DCLK1: variants seen among roughly 807,000 people sequenced by gnomAD.
DCLK1 encodes serine/threonine-protein kinase DCLK1.
A neutral mutation model predicts 86.2 loss-of-function variants in DCLK1; 16 were observed. That is an observed-to-expected ratio of 0.19 (90% CI 0.13 to 0.28). The LOEUF (loss-of-function observed/expected upper bound fraction) is 0.28, where lower values mean the gene tolerates loss of function less well. Among genes scored for constraint, DCLK1 ranks in the 10% least tolerant of loss-of-function variants. The pLI is 1.00. For synonymous variants in DCLK1, 369 were observed against 370.5 expected (o/e 1.00, Z 0.05); for missense variants, 590 against 940.2 (o/e 0.63, Z 4.87).
chr13:36,051,618 T>A (rs1883127042), intron 3 of DCLK1, among the ~76,000 whole-genome samples: 1 of 152,178 alleles, frequency 6.6e-6, no homozygotes, highest in African/African-American at 2.4e-5. Flanking sequence ...CGTCTTTTCA[T>A]TCTGTTCATT....
Position 35,918,892 on chromosome 13 carries a change from G to GTTTTTTTTTTTTTTTCTT in DCLK1, c.823+28465_823+28466insAAGAAAAAAAAAAAAAAA, listed in dbSNP as rs1875604770. 2.6e-5 allele frequency among the ~76,000 whole-genome samples: 2 copies of GTTTTTTTTTTTTTTTCTT among 76,310 alleles called. 1 individual carries two copies. Among genetic ancestry groups the GTTTTTTTTTTTTTTTCTT allele is most frequent in the Non-Finnish European group, 4.9e-5 (2 of 40,718 alleles). 50.1% of individuals were successfully genotyped at this position (76,310 alleles called of 152,430 possible). A position where few individuals can be genotyped will look rare whatever the true frequency, so the allele number is the denominator to read the frequency against. ...AAAAAGAAATCTTCCTTCTGAGTGT[G>GTTTTTTTTTTTTTTTCTT]TTTTTTTTTTTTTTTTTGGAAACGG... On this transcript the variant is annotated intron_variant, in intron 4 of 16. Transcript: ENST00000360631.
At chr13:35,795,989 C>T (rs1384659873) in intron 15 of DCLK1, among the ~76,000 whole-genome samples, 1 of 150,426 alleles carries the variant, frequency 6.6e-6, no homozygotes, top group Non-Finnish European at 1.5e-5. Flanking sequence ...AAACAAAAGG[C>T]CCCTGGAATT....
chr13:35,807,747 T>A (rs1286851358), intron 14 of DCLK1, among the ~76,000 whole-genome samples: 1 of 152,182 alleles, frequency 6.6e-6, no homozygotes, highest in Non-Finnish European at 1.5e-5. Context: ...GCACACCAGA[T>A]GGACACACAG....
intron 4 of DCLK1, among the ~76,000 whole-genome samples, chr13:35,940,554 A>T (rs1318215078): frequency 6.6e-6 from 1 of 152,180 alleles, no homozygotes; most frequent in Admixed American, 6.5e-5. Context: ...CAGCCTCAGG[A>T]CAAAGCAGCA....
At chr13:36,082,424 G>C (rs115519037) in intron 3 of DCLK1, among the ~76,000 whole-genome samples, 1 of 152,158 alleles carries the variant, frequency 6.6e-6, no homozygotes, top group East Asian at 1.9e-4. Flanking sequence ...GTCAACAGTA[G>C]GCTATTAGTA....
intron 4 of DCLK1, among the ~76,000 whole-genome samples, chr13:35,877,900 A>G (rs982495566): frequency 6.6e-6 from 1 of 152,240 alleles, no homozygotes; most frequent in African/African-American, 2.4e-5. Flanking sequence ...AATGACAAAA[A>G]GAACTTGCAA....
intron 5 of DCLK1, 73 bp downstream of exon 5, chr13:35,871,151 G>T: frequency 8.0e-7 from 1 of 1,255,516 alleles, no homozygotes; most frequent in African/African-American, 1.5e-5. Context: ...TCACACTCTA[G>T]GCTTCACACA....
At chr13:36,056,904 A>T (rs3925447) in intron 3 of DCLK1, among the ~76,000 whole-genome samples, 16 of 127,428 alleles carry the variant, frequency 1.3e-4, no homozygotes, top group Admixed American at 2.5e-4. Context: ...AAAAAAAAAA[A>T]AAATATATAT....
chr13:36,012,363 T>G (rs1489047883), intron 3 of DCLK1, among the ~76,000 whole-genome samples: 1 of 152,146 alleles, frequency 6.6e-6, no homozygotes. Context: ...CCACGGCTGT[T>G]ACCGGTTGTT....
intron 3 of DCLK1, among the ~76,000 whole-genome samples, chr13:35,968,330 T>C (rs999944144): frequency 3.3e-5 from 5 of 152,158 alleles, no homozygotes; most frequent in African/African-American, 9.7e-5. Flanking sequence ...TTGCACAACA[T>C]TGTGGACATA....
At chr13:35,823,730 C>T (rs994441947) in intron 10 of DCLK1, among the ~76,000 whole-genome samples, 14 of 152,142 alleles carry the variant, frequency 9.2e-5, no homozygotes, top group Non-Finnish European at 1.8e-4. Context: ...TGTACCAAAC[C>T]GCTATGCACA....
chr13:35,887,203 G>A lies in DCLK1; in HGVS notation c.824-15863C>T, dbSNP rs150620646. Among the ~76,000 whole-genome samples, 17 of 152,344 alleles carry A rather than the reference G, an allele frequency of 1.1e-4. No individual in the cohort carries two copies. The East Asian group carries it at 3.3e-3, about 29-fold the overall frequency. On this transcript the variant is annotated intron_variant, in intron 4 of 16. Coordinates refer to ENST00000360631, the MANE Select transcript of DCLK1 (RefSeq NM_001330071.2). ...AGTAAATTGCTTGGGGAAATTACAGGTGATCTAAGTGCCACAGGTGACCTG... is the reference window on the plus strand; with the variant it reads ...AGTAAATTGCTTGGGGAAATTACAGATGATCTAAGTGCCACAGGTGACCTG...
intron 4 of DCLK1, among the ~76,000 whole-genome samples, chr13:35,912,021 TCCTTCGGGGTG>T (rs1194289429): frequency 1.3e-5 from 2 of 152,106 alleles, no homozygotes; most frequent in African/African-American, 4.8e-5. Context: ...CACTGTACCT[TCCTTCGGGGTG>T]GCTGTGAGAA....
chr13:35,846,218 T>C lies in DCLK1; in HGVS notation c.1036-7042A>G, dbSNP rs1017565395. 6 of 985,160 alleles carry C rather than the reference T, an allele frequency of 6.1e-6. No homozygotes were observed. The African/African-American group carries it at 1.0e-4, about 17-fold the overall frequency. The allele number at this position is 985,160 out of a possible 1,614,324, so 61.0% of individuals were successfully genotyped here. On this transcript the variant is annotated intron_variant, in intron 6 of 16. Transcript: ENST00000360631. Reference sequence around the variant, plus strand: ...ACTGAAACTGTGAGCAGAAAGTATGTAACCTCTTTATAAAAACGTTATCCA... The same window carrying C: ...ACTGAAACTGTGAGCAGAAAGTATGCAACCTCTTTATAAAAACGTTATCCA...
At chr13:35,994,689 G>T (rs1257614269) in intron 3 of DCLK1, among the ~76,000 whole-genome samples, 2 of 152,164 alleles carry the variant, frequency 1.3e-5, no homozygotes, top group Non-Finnish European at 2.9e-5. Context: ...CCAAGGCCAG[G>T]CTTGACAAAT....
intron 4 of DCLK1, among the ~76,000 whole-genome samples, chr13:35,917,291 C>T (rs1436201832): frequency 2.0e-5 from 3 of 152,230 alleles, no homozygotes; most frequent in South Asian, 2.1e-4. Context: ...CATGAATCTA[C>T]AATTGGAGAG....
intron 4 of DCLK1, among the ~76,000 whole-genome samples, chr13:35,915,845 G>A (rs1875372901): frequency 6.6e-6 from 1 of 152,188 alleles, no homozygotes; most frequent in Admixed American, 6.5e-5. Flanking sequence ...TGTTTTGATT[G>A]ATCACTAACC....
At chr13:35,817,374 AT>A (rs1262998535) in intron 11 of DCLK1, among the ~76,000 whole-genome samples, 1 of 151,854 alleles carries the variant, frequency 6.6e-6, no homozygotes, top group Non-Finnish European at 1.5e-5. Context: ...AGAGAGTAGA[AT>A]TTTTTTTCTA....
intron 3 of DCLK1, among the ~76,000 whole-genome samples, chr13:35,960,645 G>A (rs757562506): frequency 5.9e-5 from 9 of 152,000 alleles, no homozygotes; most frequent in Non-Finnish European, 1.3e-4. Context: ...TTGTAGACAT[G>A]GGGTCTCACT....
Sources: gnomAD v4.1 joint callset for allele counts (sites outside exome capture counted in the v4.1 genomes callset) on GRCh38, gnomAD v4.1.1 for gene constraint, MANE v1.5 for transcripts, NCBI Gene and HGNC (gene_info 2026-07-23, HGNC 2026-07-21) for gene names.